FRMD4B: variants seen among roughly 807,000 people sequenced by gnomAD.
FRMD4B encodes the protein FERM domain-containing protein 4B.
A neutral mutation model predicts 141.5 loss-of-function variants in FRMD4B; 74 were observed. The ratio of observed to expected loss-of-function variants is 0.52; its 90% CI spans 0.43 to 0.63. FRMD4B has a LOEUF of 0.63. Ranked by LOEUF, FRMD4B falls within the 30% of genes least tolerant of loss-of-function variation. FRMD4B has a pLI of 0.00. For synonymous variants in FRMD4B, 506 were observed against 467.9 expected (o/e 1.08, Z -1.05); for missense variants, 1,366 against 1,253.4 (o/e 1.09, Z -1.36).
At chr3:69,311,974 T>TACATTGTTAACTAACTA (rs1559797343) in intron 2 of FRMD4B, among the ~76,000 whole-genome samples, 1 of 152,224 alleles carries the variant, frequency 6.6e-6, no homozygotes, top group Non-Finnish European at 1.5e-5. Flanking sequence ...TGCTTGATGT[T>TACATTGTTAACTAACTA]ACATTGTTAG....
At chr3:69,527,572 T>C (rs1388247313) in intron 1 of FRMD4B, among the ~76,000 whole-genome samples, 2 of 152,236 alleles carry the variant, frequency 1.3e-5, no homozygotes, top group Admixed American at 1.3e-4. Context: ...CTATTTTTAT[T>C]TCCACCTTTA....
Position 69,170,610 on chromosome 3 carries a change from G to A in FRMD4B, c.*1251C>T, listed in dbSNP as rs2092576568. ...CTTGTATAAAAGAAGGGGGAAAGGA[G>A]CACCTTTTATGTAATTTTGAAGCAA... is the stretch of plus-strand genomic sequence containing the variant. On this transcript the variant is annotated 3_prime_UTR_variant, in exon 23 of 23. Coordinates refer to ENST00000398540, the MANE Select transcript of FRMD4B (RefSeq NM_015123.3). The A allele has an allele frequency of 6.6e-6, 1 of 152,126 alleles. No homozygotes were observed. The highest frequency in any genetic ancestry group is 2.1e-4 in the South Asian group (1 of 4,830). The allele number at this position is 152,126 out of a possible 1,614,324, so 9.4% of individuals were successfully genotyped here. A position where few individuals can be genotyped will look rare whatever the true frequency, so the allele number is the denominator to read the frequency against.
chr3:69,262,634 T>C (rs1448808198), intron 5 of FRMD4B, among the ~76,000 whole-genome samples: 1 of 150,934 alleles, frequency 6.6e-6, no homozygotes, highest in African/African-American at 2.4e-5. Flanking sequence ...TAATTTTGTA[T>C]TTTTAGTAGA....
intron 2 of FRMD4B, among the ~76,000 whole-genome samples, chr3:69,406,581 T>G (rs1704653421): frequency 6.6e-6 from 1 of 152,222 alleles, no homozygotes; most frequent in African/African-American, 2.4e-5. Flanking sequence ...TGCTGCCTCC[T>G]CGTTTGCAAC....
intron 21 of FRMD4B, among the ~76,000 whole-genome samples, chr3:69,178,361 C>A (rs2092671127): frequency 6.6e-6 from 1 of 152,124 alleles, no homozygotes; most frequent in Non-Finnish European, 1.5e-5. Context: ...AAATCAGAGG[C>A]TCTAAGCCTT....
At chr3:69,242,918 C>T (rs9880724) in intron 7 of FRMD4B, among the ~76,000 whole-genome samples, 38,718 of 146,234 alleles carry the variant, frequency 0.26, 5,691 homozygotes, top group African/African-American at 0.41. Context: ...CGCTTGAACC[C>T]GGATAGCAGA....
chr3:69,171,608 G>C lies in FRMD4B; in HGVS notation c.*253C>G. 1 of 379,964 alleles carries C rather than the reference G, an allele frequency of 2.6e-6. No individual in the cohort carries two copies. The highest frequency in any genetic ancestry group is 4.8e-6 in the Non-Finnish European group (1 of 206,760). 23.5% of individuals were successfully genotyped at this position (379,964 alleles called of 1,614,324 possible). A position where few individuals can be genotyped will look rare whatever the true frequency, so the allele number is the denominator to read the frequency against. On this transcript the variant is annotated 3_prime_UTR_variant, in exon 23 of 23. Transcript: ENST00000398540. Reference sequence around the variant, plus strand: ...AAGGCTTCACACTGAGTCCTCTCTTGGCAATACTTCAACATGTGGGCAGAC... The same window carrying C: ...AAGGCTTCACACTGAGTCCTCTCTTCGCAATACTTCAACATGTGGGCAGAC...
chr3:69,490,543 C>T (rs1375079355), intron 1 of FRMD4B, among the ~76,000 whole-genome samples: 1 of 152,214 alleles, frequency 6.6e-6, no homozygotes, highest in Non-Finnish European at 1.5e-5. Context: ...CTGCCTCCTT[C>T]TCACCACTGA....
intron 19 of FRMD4B, among the ~76,000 whole-genome samples, chr3:69,183,886 A>G (rs557866015): frequency 1.3e-4 from 20 of 152,174 alleles, no homozygotes; most frequent in African/African-American, 4.1e-4. Context: ...GATAAAAAGA[A>G]AAATTTAAAT....
At chr3:69,315,029 C>T (rs989828826) in intron 1 of FRMD4B, among the ~76,000 whole-genome samples, 46 of 151,920 alleles carry the variant, frequency 3.0e-4, no homozygotes, top group Non-Finnish European at 5.6e-4. Flanking sequence ...GCAACATAGA[C>T]CTCATCTCTT....
intron 3 of FRMD4B, among the ~76,000 whole-genome samples, chr3:69,311,033 C>T (rs1701569828): frequency 6.6e-6 from 1 of 152,184 alleles, no homozygotes; most frequent in Admixed American, 6.5e-5. Flanking sequence ...CATTACTACA[C>T]ATTTCTAAAA....
At chr3:69,439,747 T>C (rs954275535) in intron 1 of FRMD4B, among the ~76,000 whole-genome samples, 2 of 152,226 alleles carry the variant, frequency 1.3e-5, no homozygotes, top group Non-Finnish European at 2.9e-5. Context: ...CCAAGTCTCA[T>C]TGTCAGCCTT....
At chr3:69,460,660 C>T (rs1253712054) in intron 1 of FRMD4B, among the ~76,000 whole-genome samples, 1 of 152,168 alleles carries the variant, frequency 6.6e-6, no homozygotes, top group African/African-American at 2.4e-5. Flanking sequence ...ACTACTCAGA[C>T]TTGACTCTGC....
At chr3:69,506,024 G>T (rs1310585877) in intron 1 of FRMD4B, among the ~76,000 whole-genome samples, 1 of 152,074 alleles carries the variant, frequency 6.6e-6, no homozygotes, top group African/African-American at 2.4e-5. Flanking sequence ...AAAAATATTC[G>T]CTGAATGCTG....
At chr3:69,390,107 T>C (rs970778406), upstream of FRMD4B, among the ~76,000 whole-genome samples, 1 of 152,064 alleles carries the variant, frequency 6.6e-6, no homozygotes. Context: ...AGGTTCTCCT[T>C]TGAGGAACTG....
chr3:69,218,122 G>C (rs1430548268), intron 10 of FRMD4B, among the ~76,000 whole-genome samples, 200 bp downstream of exon 10: 1 of 152,188 alleles, frequency 6.6e-6, no homozygotes, highest in Non-Finnish European at 1.5e-5. Flanking sequence ...TGTTTCGAAA[G>C]AGAATGATCT....
chr3:69,216,339 C>T lies in FRMD4B; in HGVS notation c.800G>A (p.Gly267Glu). Residue 267 changes from glycine (G) to glutamate (E), a missense_variant, in exon 11 of 23, where the codon GGA (glycine) becomes GAA (glutamate). Gly to Glu is a moderately conservative substitution (Grantham distance 98, BLOSUM62 -2). Transcript: ENST00000398540. Reference sequence around the variant, plus strand: ...GCTTATTCCAAGCCACCAAGGAAGTCCTTGCTTATCCTAGAAGATGAAAAA... The same window carrying T: ...GCTTATTCCAAGCCACCAAGGAAGTTCTTGCTTATCCTAGAAGATGAAAAA... ...VHYYAVKDKQ[G>E]LPWWLGISYK... 9 of 1,534,554 alleles carry T rather than the reference C, an allele frequency of 5.9e-6. No homozygotes were observed. The highest frequency in any genetic ancestry group is 3.7e-5 in the Admixed American group (2 of 54,628).
chr3:69,305,294 T>C lies in FRMD4B; in HGVS notation c.324-2859A>G, dbSNP rs147058147. On this transcript the variant is annotated intron_variant, in intron 3 of 22. Transcript: ENST00000398540. ...AAAGAGTGTGTCTTTGTTTCCATAGTTACAAGACAAGGCTTCTGATACCTG... is the reference window on the plus strand; with the variant it reads ...AAAGAGTGTGTCTTTGTTTCCATAGCTACAAGACAAGGCTTCTGATACCTG... Among the ~76,000 whole-genome samples the C allele has an allele frequency of 2.1e-4, 32 of 152,078 alleles. No homozygotes were observed. In the East Asian group the frequency reaches 5.6e-3, roughly 27 times the overall value.
intron 9 of FRMD4B, among the ~76,000 whole-genome samples, chr3:69,220,913 C>T (rs2093187758): frequency 6.6e-6 from 1 of 151,492 alleles, no homozygotes; most frequent in Admixed American, 6.6e-5. Context: ...TCTCCAAGCC[C>T]TTATTTCAGT....
Sources: allele counts gnomAD v4.1 joint callset (sites outside exome capture counted in the v4.1 genomes callset), GRCh38; gene constraint gnomAD v4.1.1; transcripts MANE v1.5; gene names NCBI Gene and HGNC (gene_info 2026-07-23, HGNC 2026-07-21).